Variants in ACE observed in about 807,000 individuals in gnomAD.
ACE encodes the protein angiotensin-converting enzyme.
Under a neutral mutation model 162.3 loss-of-function variants are expected in ACE, and 122 were observed. That is an observed-to-expected ratio of 0.75 (90% CI 0.65 to 0.87). ACE has a LOEUF of 0.87. ACE is among the 40% of genes least tolerant of loss of function. The pLI is 0.00. For missense variants in ACE, 1,799 were observed against 1,735.1 expected (o/e 1.04, Z -0.65); for synonymous variants, 796 against 720.6 (o/e 1.10, Z -1.68).
chr17:63,496,701 A>G (rs1415987579), intron 23 of ACE, 97 bp from the exon 24 acceptor site: 5 of 1,590,304 alleles, frequency 3.1e-6, no homozygotes, highest in Non-Finnish European at 3.4e-6. Flanking sequence ...CCCTGGGACA[A>G]GTTTCAGCTG....
chr17:63,480,440 C>T lies in ACE; in HGVS notation c.759C>T (p.Asn253=). The T allele has an allele frequency of 6.2e-7, 1 of 1,614,132 alleles. No homozygotes were observed. The highest frequency in any genetic ancestry group is 2.2e-5 in the East Asian group (1 of 44,876). ...AACAGCTAGAGCCCCTCTACCTGAACCTCCATGCCTTCGTCCGCCGCGCAC... is the reference window on the plus strand; with the variant it reads ...AACAGCTAGAGCCCCTCTACCTGAATCTCCATGCCTTCGTCCGCCGCGCAC... The part of the protein sequence containing the change: ...LYQQLEPLYL[N]LHAFVRRALH... Residue 253 remains asparagine, a synonymous_variant, in exon 5 of 25, where the codon AAC becomes AAT. Transcript: ENST00000290866.
Position 63,488,450 on chromosome 17 carries a change from G to A in ACE, c.2306-198G>A. On this transcript the variant is annotated intron_variant, in intron 15 of 24. Transcript: ENST00000290866. ...GGCCCTGCAGGTGTCTGCAGCATGT[G>A]GCCCCAGGCCGGGGACTCTGTAAGC... The A allele has an allele frequency of 4.4e-6, 2 of 457,620 alleles. 1 individual carries two copies. Among genetic ancestry groups the A allele is most frequent in the South Asian group, 5.4e-5 (2 of 37,182 alleles). 28.3% of individuals were successfully genotyped at this position (457,620 alleles called of 1,614,324 possible).
chr17:63,496,021 C>A (rs1022243919), intron 22 of ACE: 2 of 341,946 alleles, frequency 5.8e-6, no homozygotes, highest in Non-Finnish European at 1.1e-5. Context: ...TAGATCCACA[C>A]GGCCCATTTG....
At chr17:63,496,552 C>T in intron 23 of ACE, 36 bp downstream of exon 23, 1 of 1,613,344 alleles carries the variant, frequency 6.2e-7, no homozygotes. Context: ...TTTCCATGCT[C>T]TGGCCTGCGC....
At chr17:63,483,660 G>A (rs1389760416) in intron 10 of ACE, 102 bp downstream of exon 10, 1 of 1,369,712 alleles carries the variant, frequency 7.3e-7, no homozygotes, top group Admixed American at 1.8e-5. Flanking sequence ...TTGTCCCCAT[G>A]CTCCTCCAGA....
Position 63,477,303 on chromosome 17 carries a change from C to G in ACE, c.209C>G (p.Ala70Gly). 2 of 1,435,126 alleles carry G rather than the reference C, an allele frequency of 1.4e-6. No homozygotes were observed. Among genetic ancestry groups the G allele is most frequent in the Non-Finnish European group, 1.8e-6 (2 of 1,087,958 alleles). 88.9% of individuals were successfully genotyped at this position (1,435,126 alleles called of 1,614,324 possible). ...VLFQSVAASW[A>G]HDTNITAENA... ...TTCCAGAGCGTGGCCGCCAGCTGGGCGCACGACACCAACATCACCGCGGAG... is the reference window on the plus strand; with the variant it reads ...TTCCAGAGCGTGGCCGCCAGCTGGGGGCACGACACCAACATCACCGCGGAG... Residue 70 changes from alanine to glycine, a missense_variant, in exon 1 of 25, where the codon GCG (alanine) becomes GGG (glycine). By Grantham distance (60) the Ala-to-Gly change is moderately conservative (BLOSUM62 0). Coordinates refer to ENST00000290866, the MANE Select transcript of ACE (RefSeq NM_000789.4).
Position 63,486,464 on chromosome 17 carries a change from C to T in ACE, c.2059-93C>T, listed in dbSNP as rs186962453. Reference sequence around the variant, plus strand: ...CTTAATTCCACTGCCCCCTCACCACCACCTCCAGCCCTCAGCTCCCACTTG... The same window carrying T: ...CTTAATTCCACTGCCCCCTCACCACTACCTCCAGCCCTCAGCTCCCACTTG... On this transcript the variant is annotated intron_variant, in intron 13 of 24. Transcript: ENST00000290866. 827 of 1,431,458 alleles carry T rather than the reference C, an allele frequency of 5.8e-4. 7 individuals carry two copies. In the African/African-American group the frequency reaches 0.01, roughly 18 times the overall value. The allele number at this position is 1,431,458 out of a possible 1,614,324, so 88.7% of individuals were successfully genotyped here. A position where few individuals can be genotyped will look rare whatever the true frequency, so the allele number is the denominator to read the frequency against.
At position 63,483,892 on chromosome 17, in the gene ACE, C is replaced by T. The variant is rs2029861424; in HGVS notation, c.1630C>T (p.Leu544=). The change falls in exon 11 of 25, where the codon CTG becomes TTG. Residue 544 remains leucine, a synonymous_variant. Transcript: ENST00000290866. ...FVLQFQFHEA[L]CKEAGYEGPL... The stretch of plus-strand genomic sequence containing the variant: ...CCTGCAGTTCCAGTTCCATGAAGCC[C>T]TGTGCAAGGAGGCAGGCTATGAGGG... The T allele has an allele frequency of 1.2e-6, 2 of 1,614,138 alleles. 1 individual carries two copies. Among genetic ancestry groups the T allele is most frequent in the South Asian group, 2.2e-5 (2 of 91,076 alleles).
rs546120035 is a variant in ACE, at chr17:63,481,488, C to T, written c.946-78C>T. On this transcript the variant is annotated intron_variant, in intron 6 of 24. Coordinates refer to ENST00000290866, the MANE Select transcript of ACE (RefSeq NM_000789.4). ...AGCTTTCATGCACAGGGAGTTGACC[C>T]GAGATGGGGACCCCAGCCCTGTCCC... The T allele has an allele frequency of 1.2e-4, 178 of 1,535,390 alleles. 1 individual carries two copies. The highest frequency in any genetic ancestry group is 2.2e-4 in the Admixed American group (12 of 55,420).
chr17:63,497,200 C>A lies in ACE; in HGVS notation c.3755C>A (p.Ala1252Glu). 1 of 1,601,910 alleles carries A rather than the reference C, an allele frequency of 6.2e-7. No homozygotes were observed. The highest frequency in any genetic ancestry group is 8.5e-7 in the Non-Finnish European group (1 of 1,178,278). The change falls in exon 25 of 25, where the codon GCG becomes GAG. Residue 1252 changes from alanine to glutamate, a missense_variant. Coordinates refer to ENST00000290866, the MANE Select transcript of ACE (RefSeq NM_000789.4). ...RVSFLGLDLD[A>E]QQARVGQWLL... ...AGCTTCCTGGGCCTGGACCTGGATG[C>A]GCAGCAGGCCCGCGTGGGCCAGTGG...
chr17:63,491,095 G>A lies in ACE; in HGVS notation c.2739+44G>A, dbSNP rs1486476885. 1.2e-6 allele frequency: 2 copies of A among 1,612,262 alleles called. No homozygotes were observed. Among genetic ancestry groups the A allele is most frequent in the Non-Finnish European group, 1.7e-6 (2 of 1,178,652 alleles). On this transcript the variant is annotated intron_variant, in intron 18 of 24. Coordinates refer to ENST00000290866, the MANE Select transcript of ACE (RefSeq NM_000789.4). This position sits in a 1 kb window ranked among gnomAD's most constrained non-coding sequence, Gnocchi z 4.4. Reference sequence around the variant, plus strand: ...GCAGGGAGGCCCCGCCGGGATGGGAGGGACCCTCTGATTCAGGAGTTCCCT... The same window carrying A: ...GCAGGGAGGCCCCGCCGGGATGGGAAGGACCCTCTGATTCAGGAGTTCCCT...
Position 63,485,363 on chromosome 17 carries a change from C to A in ACE, c.2049C>A (p.Ser683Arg), listed in dbSNP as rs148491967. The A allele has an allele frequency of 1.7e-4, 267 of 1,614,078 alleles. No individual in the cohort carries two copies. Among genetic ancestry groups the A allele is most frequent in the Non-Finnish European group, 2.2e-4 (254 of 1,180,006 alleles). The change falls in exon 13 of 25, where the codon AGC (serine) becomes AGA (arginine). Residue 683 changes from serine (S) to arginine (R), a missense_variant. By Grantham distance (110) the Ser-to-Arg change is moderately radical. Transcript: ENST00000290866. Reference sequence around the variant, plus strand: ...ACACCAACATCACCACAGAGACCAGCAAGATTCTGGTGGGAGCCACCTCCC... The same window carrying A: ...ACACCAACATCACCACAGAGACCAGAAAGATTCTGGTGGGAGCCACCTCCC... ...NYNTNITTET[S>R]KILLQKNMQI...
In ACE at chr17:63,483,567, G is replaced by GCGGGGGGGGGGCCC; in HGVS notation, c.1586+10_1586+11insGGGGGGGGGGCCCC. ...GTGACACCATACATCAGGTATTAGCGCCCCCACCCCACCCACCCCCAGTAC... is the reference window on the plus strand; with the variant it reads ...GTGACACCATACATCAGGTATTAGCGCGGGGGGGGGGCCCCCCCCACCCCACCCACCCCCAGTAC... On this transcript the variant is annotated intron_variant, in intron 10 of 24. Transcript: ENST00000290866. The GCGGGGGGGGGGCCC allele has an allele frequency of 6.3e-7, 1 of 1,589,518 alleles. No homozygotes were observed. The highest frequency in any genetic ancestry group is 8.6e-7 in the Non-Finnish European group (1 of 1,165,642).
intron 22 of ACE, 31 bp downstream of exon 22, chr17:63,494,501 A>T (rs770065808): frequency 6.4e-7 from 1 of 1,565,550 alleles, no homozygotes; most frequent in Admixed American, 1.7e-5. Context: ...GCACATTGTG[A>T]GGGGCAGTAC....
chr17:63,497,812 C>A lies in ACE; in HGVS notation c.*446C>A. On this transcript the variant is annotated 3_prime_UTR_variant, in exon 25 of 25. Transcript: ENST00000290866. ...TCTTCCCTCCAGCCCAGGCAGCCCGCCACTGTCCTGCCACCGCAGGCAGCC... is the reference window on the plus strand; with the variant it reads ...TCTTCCCTCCAGCCCAGGCAGCCCGACACTGTCCTGCCACCGCAGGCAGCC... The A allele has an allele frequency of 2.9e-6, 1 of 349,030 alleles. No individual in the cohort carries two copies. Among genetic ancestry groups the A allele is most frequent in the Non-Finnish European group, 5.5e-6 (1 of 180,660 alleles). The allele number at this position is 349,030 out of a possible 1,614,324, so 21.6% of individuals were successfully genotyped here.
At position 63,493,673 on chromosome 17, in the gene ACE, G is replaced by A. The variant is rs367949062; in HGVS notation, c.3136+14G>A. On this transcript the variant is annotated intron_variant, in intron 20 of 24. Coordinates refer to ENST00000290866, the MANE Select transcript of ACE (RefSeq NM_000789.4). ...GTGGCAGCGACGGTGAGAGAGAAGC[G>A]GGAGGCCCTGGTGGGCTGAGGACCA... is the stretch of plus-strand genomic sequence containing the variant. The A allele has an allele frequency of 1.4e-5, 22 of 1,613,038 alleles. No homozygotes were observed. The highest frequency in any genetic ancestry group is 1.5e-5 in the Non-Finnish European group (18 of 1,179,634).
At chr17:63,486,743 G>C (rs1420385459) in intron 14 of ACE, 28 bp downstream of exon 14, 1 of 1,613,958 alleles carries the variant, frequency 6.2e-7, no homozygotes, top group Non-Finnish European at 8.5e-7. Flanking sequence ...TACAGGGAGA[G>C]GGGAATCCTG....
intron 17 of ACE, 78 bp from the exon 18 acceptor site, chr17:63,490,876 G>A (rs780128133): frequency 3.3e-5 from 44 of 1,325,246 alleles, no homozygotes; most frequent in Middle Eastern, 1.8e-4. Context: ...GATCTGGAGC[G>A]CTCTTCCTGC....
chr17:63,497,007 C>T, intron 24 of ACE, 22 bp downstream of exon 24: 1 of 1,591,056 alleles, frequency 6.3e-7, no homozygotes, highest in Non-Finnish European at 8.5e-7. Flanking sequence ...CACCCCACCT[C>T]CAGCCTTGGG....
Sources: allele counts gnomAD v4.1 joint callset, GRCh38; gene constraint gnomAD v4.1.1; non-coding constraint Gnocchi (gnomAD v3.1); transcripts MANE v1.5; gene names NCBI Gene and HGNC (gene_info 2026-07-23, HGNC 2026-07-21).